The following CTNNA3 variants were observed in gnomAD, a reference collection of about 807,000 sequenced individuals.
The protein encoded by CTNNA3 is catenin alpha 3.
In CTNNA3, 76 loss-of-function variants were observed where a neutral mutation model predicts 95.7. That is an observed-to-expected ratio of 0.79 (90% CI 0.66 to 0.96). The LOEUF (loss-of-function observed/expected upper bound fraction) is 0.96. CTNNA3 is among the 40% of genes least tolerant of loss of function. CTNNA3 has a pLI of 0.00. For synonymous variants in CTNNA3, 431 were observed against 374.4 expected (o/e 1.15, Z -1.74); for missense variants, 1,191 against 1,089.8 (o/e 1.09, Z -1.31).
intron 13 of CTNNA3, among the ~76,000 whole-genome samples, chr10:66,157,584 G>A (rs1289881672): frequency 1.3e-5 from 2 of 152,010 alleles, no homozygotes; most frequent in African/African-American, 4.8e-5. Context: ...GGGCATTTGT[G>A]TTGGTTCCAC....
At chr10:67,262,918 G>A (rs1866676517) in intron 5 of CTNNA3, among the ~76,000 whole-genome samples, 1 of 152,074 alleles carries the variant, frequency 6.6e-6, no homozygotes, top group African/African-American at 2.4e-5. Flanking sequence ...CAGACTCCAG[G>A]GTGTTTTCAA....
intron 6 of CTNNA3, among the ~76,000 whole-genome samples, chr10:67,197,081 T>A (rs1459786337): frequency 6.6e-6 from 1 of 152,120 alleles, no homozygotes; most frequent in African/African-American, 2.4e-5. Flanking sequence ...CCCCAATATT[T>A]TTAAGTATAT....
intron 10 of CTNNA3, among the ~76,000 whole-genome samples, chr10:66,609,024 A>G (rs1011746266): frequency 2.6e-5 from 4 of 152,038 alleles, no homozygotes; most frequent in African/African-American, 9.7e-5. Flanking sequence ...TGGGAGATAC[A>G]TTCTGCAAAC....
intron 7 of CTNNA3, among the ~76,000 whole-genome samples, chr10:67,150,869 T>A (rs1367154707): frequency 6.6e-6 from 1 of 152,168 alleles, no homozygotes; most frequent in Non-Finnish European, 1.5e-5. Flanking sequence ...AAGAATTTTT[T>A]AAAAGATTTA....
intron 6 of CTNNA3, among the ~76,000 whole-genome samples, chr10:67,205,121 G>C (rs1173626184): frequency 6.6e-6 from 1 of 152,104 alleles, no homozygotes; most frequent in Non-Finnish European, 1.5e-5. Flanking sequence ...TTAGTTTGGG[G>C]GAAGGGTTAT....
chr10:66,587,242 T>A (rs1289318448), intron 10 of CTNNA3, among the ~76,000 whole-genome samples: 1 of 152,158 alleles, frequency 6.6e-6, no homozygotes, highest in African/African-American at 2.4e-5. Context: ...ATAGCTGAGG[T>A]TGCATAAAAG....
chr10:67,743,232 C>T (rs1168574570), intron 1 of CTNNA3, among the ~76,000 whole-genome samples: 2 of 151,196 alleles, frequency 1.3e-5, no homozygotes, highest in African/African-American at 4.8e-5. Flanking sequence ...CCTTGATGAA[C>T]ATTGATGCAA....
intron 11 of CTNNA3, among the ~76,000 whole-genome samples, chr10:66,512,442 T>C (rs1050094887): frequency 5.3e-5 from 8 of 152,082 alleles, no homozygotes; most frequent in African/African-American, 1.9e-4. Flanking sequence ...TGTATAGCCT[T>C]AGTTCCTTTC....
intron 12 of CTNNA3, among the ~76,000 whole-genome samples, chr10:66,351,589 A>G (rs1480573386): frequency 6.6e-6 from 1 of 152,076 alleles, no homozygotes; most frequent in African/African-American, 2.4e-5. Context: ...CTCCTGAATT[A>G]GATTTACGGT....
chr10:66,259,584 T>A (rs2090919687), intron 13 of CTNNA3, among the ~76,000 whole-genome samples: 1 of 152,142 alleles, frequency 6.6e-6, no homozygotes, highest in South Asian at 2.1e-4. Context: ...ACTCTTCAAC[T>A]ACTCAGTGAT....
intron 11 of CTNNA3, among the ~76,000 whole-genome samples, chr10:66,431,053 GAA>G (rs201197251): frequency 6.2e-5 from 9 of 144,796 alleles, no homozygotes; most frequent in Non-Finnish European, 1.1e-4. Flanking sequence ...AAATTTACAA[GAA>G]AAAAAAAAAC....
chr10:66,655,761 A>C (rs976518166), intron 9 of CTNNA3, among the ~76,000 whole-genome samples: 1 of 151,996 alleles, frequency 6.6e-6, no homozygotes, highest in African/African-American at 2.4e-5. Context: ...GATAACTAGG[A>C]ATTACAGAAG....
At chr10:66,819,044 C>T (rs111771608) in intron 7 of CTNNA3, among the ~76,000 whole-genome samples, 34 of 147,254 alleles carry the variant, frequency 2.3e-4, no homozygotes, top group African/African-American at 7.3e-4. Flanking sequence ...GAGCTGAGAT[C>T]GCACCATCGC....
intron 11 of CTNNA3, among the ~76,000 whole-genome samples, chr10:66,432,544 C>T (rs910114502): frequency 6.6e-6 from 1 of 151,804 alleles, no homozygotes; most frequent in Non-Finnish European, 1.5e-5. Context: ...GCCTGTAGTT[C>T]CAGCTACTTG....
intron 3 of CTNNA3, among the ~76,000 whole-genome samples, chr10:67,561,147 A>G (rs1452074841): frequency 6.9e-6 from 1 of 145,842 alleles, no homozygotes; most frequent in African/African-American, 2.8e-5. Flanking sequence ...CCTAATAGAC[A>G]TCTACAGAGC....
intron 1 of CTNNA3, chr10:67,750,841 T>C: frequency 5.6e-6 from 9 of 1,610,926 alleles, no homozygotes; most frequent in Non-Finnish European, 6.8e-6. Flanking sequence ...CCAGGTTGAG[T>C]GTCACCCATA....
intron 12 of CTNNA3, among the ~76,000 whole-genome samples, chr10:66,300,301 C>A (rs970686128): frequency 6.6e-6 from 1 of 152,094 alleles, no homozygotes. Flanking sequence ...AGTACACTTG[C>A]AAGGCATGAA....
At chr10:67,602,616 C>A (rs1238043179) in intron 3 of CTNNA3, among the ~76,000 whole-genome samples, 1 of 152,204 alleles carries the variant, frequency 6.6e-6, no homozygotes, top group African/African-American at 2.4e-5. Flanking sequence ...ATCAAGACTT[C>A]TCTTTGAGAA....
At chr10:67,177,640 G>A (rs980038964) in intron 7 of CTNNA3, among the ~76,000 whole-genome samples, 3 of 152,106 alleles carry the variant, frequency 2.0e-5, no homozygotes, top group Middle Eastern at 3.2e-3. Context: ...TTGAGCAAAC[G>A]GTGAGCAAGG....
Sources: gnomAD v4.1 joint callset for allele counts (sites outside exome capture counted in the v4.1 genomes callset) on GRCh38, gnomAD v4.1.1 for gene constraint, MANE v1.5 for transcripts, NCBI Gene and HGNC (gene_info 2026-07-23, HGNC 2026-07-21) for gene names.